TCERG1L: variants seen among roughly 807,000 people sequenced by gnomAD.
TCERG1L encodes the protein transcription elongation regulator 1-like protein.
TCERG1L carries 37 observed loss-of-function variants against 56.3 expected under a neutral mutation model. The ratio of observed to expected loss-of-function variants is 0.66; its 90% CI spans 0.51 to 0.87. TCERG1L has a LOEUF of 0.87. Among genes scored for constraint, TCERG1L ranks in the 40% least tolerant of loss-of-function variants. The pLI is 0.00. For synonymous variants in TCERG1L, 324 were observed against 326.3 expected, an observed-to-expected ratio of 0.99 and a Z score of 0.08; for missense variants, 799 against 774.2, an observed-to-expected ratio of 1.03 and a Z score of -0.38.
intron 4 of TCERG1L, among the ~76,000 whole-genome samples, chr10:131,245,299 C>T (rs569721942): frequency 6.6e-6 from 1 of 152,332 alleles, no homozygotes; most frequent in Admixed American, 6.5e-5. Context: ...TTTAATCCAC[C>T]AGGCAGCGTG....
At chr10:131,163,775 G>A (rs1264594731) in intron 5 of TCERG1L, among the ~76,000 whole-genome samples, 1 of 152,178 alleles carries the variant, frequency 6.6e-6, no homozygotes, top group Non-Finnish European at 1.5e-5. Context: ...GGGCTGTTCC[G>A]CATCCTGGGG....
chr10:131,273,426 T>C (rs892908196), intron 3 of TCERG1L, among the ~76,000 whole-genome samples: 1 of 152,288 alleles, frequency 6.6e-6, no homozygotes, highest in East Asian at 1.9e-4. Flanking sequence ...AGCCCCGGGC[T>C]TTGCTGCCAC....
At chr10:131,253,142 T>C (rs1038966974) in intron 4 of TCERG1L, among the ~76,000 whole-genome samples, 3 of 152,174 alleles carry the variant, frequency 2.0e-5, no homozygotes, top group Admixed American at 1.3e-4. Context: ...CAGCTGAAGT[T>C]AGCCAGTGTC....
chr10:131,196,885 A>G (rs1055553101), intron 4 of TCERG1L, among the ~76,000 whole-genome samples: 8 of 152,230 alleles, frequency 5.3e-5, no homozygotes, highest in Non-Finnish European at 2.9e-5. Flanking sequence ...TACTAAGAGA[A>G]GAAGGAGAAT....
In TCERG1L at chr10:131,283,383, G is replaced by A. The variant is rs529088818; in HGVS notation, c.671-22939C>T. Among the ~76,000 whole-genome samples the A allele has an allele frequency of 2.2e-3, 330 of 152,312 alleles. 1 individual carries two copies. Among genetic ancestry groups the A allele is most frequent in the African/African-American group, 7.6e-3 (314 of 41,568 alleles). ...ACTGGTCTGCTCCTGGGTTGATGGT[G>A]CCCCTTAGTTCTGCAGATGCAAATG... On this transcript the variant is annotated intron_variant, in intron 3 of 11. Coordinates refer to ENST00000368642, the MANE Select transcript of TCERG1L (RefSeq NM_174937.4).
intron 4 of TCERG1L, among the ~76,000 whole-genome samples, chr10:131,218,089 C>T (rs890840722): frequency 2.6e-5 from 4 of 152,126 alleles, no homozygotes; most frequent in South Asian, 4.2e-4. Flanking sequence ...CAGCCAGTCC[C>T]GGTGGCCCCA....
At chr10:131,094,697 C>T (rs1458684965) in intron 11 of TCERG1L, among the ~76,000 whole-genome samples, 1 of 152,060 alleles carries the variant, frequency 6.6e-6, no homozygotes, top group East Asian at 1.9e-4. Context: ...TCCCTCCCTC[C>T]TTTTCTCCCG....
Position 131,260,129 on chromosome 10 carries a change from A to G in TCERG1L, c.856+130T>C, listed in dbSNP as rs1564827923. ...GCAAAGCCCAAACGGCCCCAGCCGA[A>G]TGTTTCCCTCAACCGGAGCCGGGCT... On this transcript the variant is annotated intron_variant, in intron 4 of 11. Coordinates refer to ENST00000368642, the MANE Select transcript of TCERG1L (RefSeq NM_174937.4). The surrounding 1 kb of genome is among the most constrained non-coding windows in gnomAD (Gnocchi z 5.8). 1.6e-6 allele frequency: 2 copies of G among 1,233,482 alleles called. No individual in the cohort carries two copies. Among genetic ancestry groups the G allele is most frequent in the East Asian group, 3.2e-5 (1 of 31,634 alleles). 76.4% of individuals were successfully genotyped at this position (1,233,482 alleles called of 1,614,324 possible). A position where few individuals can be genotyped will look rare whatever the true frequency, so the allele number is the denominator to read the frequency against.
At chr10:131,182,042 ATG>A (rs1016872703) in intron 4 of TCERG1L, among the ~76,000 whole-genome samples, 1 of 151,990 alleles carries the variant, frequency 6.6e-6, no homozygotes, top group African/African-American at 2.4e-5. Context: ...CACTCTGTGC[ATG>A]TGTGTGTGTA....
chr10:131,279,071 G>A (rs1031570149), intron 3 of TCERG1L, among the ~76,000 whole-genome samples: 7 of 152,172 alleles, frequency 4.6e-5, no homozygotes, highest in East Asian at 3.9e-4. Flanking sequence ...TTTCCTTCCT[G>A]AGCCTAGTCC....
chr10:131,131,534 G>A (rs1465728650), intron 8 of TCERG1L, among the ~76,000 whole-genome samples: 4 of 152,134 alleles, frequency 2.6e-5, no homozygotes, highest in African/African-American at 4.8e-5. Context: ...CACTCACCAC[G>A]TAGATTAGAA....
intron 6 of TCERG1L, among the ~76,000 whole-genome samples, chr10:131,154,631 GC>G (rs1422599035): frequency 2.0e-5 from 3 of 152,208 alleles, no homozygotes; most frequent in Non-Finnish European, 4.4e-5. Flanking sequence ...AGTGGCCCAG[GC>G]CCATCCACCT....
intron 3 of TCERG1L, among the ~76,000 whole-genome samples, chr10:131,283,021 T>C (rs1415173553): frequency 6.6e-6 from 1 of 152,238 alleles, no homozygotes; most frequent in East Asian, 1.9e-4. Context: ...TTTGAGGGTA[T>C]ATAATTTGAG....
intron 7 of TCERG1L, among the ~76,000 whole-genome samples, chr10:131,141,638 C>T (rs1845739921): frequency 6.6e-6 from 1 of 151,910 alleles, no homozygotes; most frequent in Non-Finnish European, 1.5e-5. Flanking sequence ...TTCCTTTCCT[C>T]CTTTCCAACT....
At chr10:131,180,593 G>C (rs534096118) in intron 4 of TCERG1L, among the ~76,000 whole-genome samples, 1 of 152,170 alleles carries the variant, frequency 6.6e-6, no homozygotes, top group African/African-American at 2.4e-5. Context: ...AATTTCAAGG[G>C]GGGCCGGTAC....
intron 4 of TCERG1L, among the ~76,000 whole-genome samples, chr10:131,200,702 G>A (rs750013217): frequency 2.6e-5 from 4 of 152,214 alleles, no homozygotes; most frequent in Admixed American, 6.5e-5. Context: ...AAGTTAAAAC[G>A]TTTGGAATTA....
At chr10:131,134,324 A>G in intron 8 of TCERG1L, 55 bp downstream of exon 8, 1 of 1,479,362 alleles carries the variant, frequency 6.8e-7, no homozygotes, top group South Asian at 1.2e-5. Context: ...TTCTTTCTAC[A>G]CCACCTGAGT....
chr10:131,137,407 C>T (rs1178695780), intron 7 of TCERG1L, among the ~76,000 whole-genome samples: 5 of 152,250 alleles, frequency 3.3e-5, no homozygotes, highest in African/African-American at 7.2e-5. Flanking sequence ...TTCGGAGGCA[C>T]CGGGGCCTCA....
At chr10:131,252,550 T>A (rs1027410759) in intron 4 of TCERG1L, among the ~76,000 whole-genome samples, 4 of 152,150 alleles carry the variant, frequency 2.6e-5, no homozygotes, top group African/African-American at 9.7e-5. Context: ...ATTTCATTCA[T>A]GCACCAAACG....
Sources: gnomAD v4.1 joint callset for allele counts (sites outside exome capture counted in the v4.1 genomes callset) on GRCh38, gnomAD v4.1.1 for gene constraint, Gnocchi (gnomAD v3.1) non-coding constraint, MANE v1.5 for transcripts, NCBI Gene and HGNC (gene_info 2026-07-23, HGNC 2026-07-21) for gene names.